CMTM3: variants seen among roughly 807,000 people sequenced by gnomAD.
CMTM3 encodes CKLF-like MARVEL transmembrane domain-containing protein 3.
CMTM3 carries 7 observed loss-of-function variants against 18.2 expected under a neutral mutation model. That is an observed-to-expected ratio of 0.38 (90% confidence interval 0.22 to 0.72). The LOEUF (loss-of-function observed/expected upper bound fraction) is 0.72, where lower values mean the gene tolerates loss of function less well. CMTM3 is among the 30% of genes least tolerant of loss of function. The pLI is 0.46. For synonymous variants in CMTM3, 109 were observed against 111.2 expected (o/e 0.98, Z 0.12); for missense variants, 227 against 249.2 (o/e 0.91, Z 0.60).
At position 66,605,839 on chromosome 16, in the gene CMTM3, C is replaced by G. The variant is rs1457612374; in HGVS notation, c.147+887C>G. ...GCTCCGGGACCTCTCCCTGGTCACT[C>G]AGGGCAGAGGGCAGAAGGTGGTCCT... On this transcript the variant is annotated intron_variant, in intron 1 of 4. Transcript: ENST00000567572. This position sits in a 1 kb window ranked among gnomAD's most constrained non-coding sequence, Gnocchi z 4.6. Among the ~76,000 whole-genome samples the G allele has an allele frequency of 1.3e-5, 2 of 152,160 alleles. No individual in the cohort carries two copies. Among genetic ancestry groups the G allele is most frequent in the Admixed American group, 1.3e-4 (2 of 15,278 alleles).
At chr16:66,611,990 C>A (rs111656261) in intron 4 of CMTM3, among the ~76,000 whole-genome samples, 50 of 152,268 alleles carry the variant, frequency 3.3e-4, no homozygotes, top group African/African-American at 1.1e-3. Context: ...AGAGGTACAG[C>A]CCTGACCCAC....
intron 1 of CMTM3, among the ~76,000 whole-genome samples, chr16:66,606,902 G>C (rs1197886850): frequency 6.6e-6 from 1 of 152,238 alleles, no homozygotes; most frequent in African/African-American, 2.4e-5. Context: ...GCTGAGGCAG[G>C]AGAATCACTT....
In CMTM3 at chr16:66,604,928, A is replaced by G; in HGVS notation, c.123A>G (p.Lys41=). The change falls in exon 1 of 5, where the codon AAA becomes AAG. Residue 41 remains lysine (K), a synonymous_variant. Transcript: ENST00000567572. ...CGCGGGCTTTCCTCTGCTCTCTCAA[A>G]GGCCGCCTCCTGCTGGCCGAGTCGG... ...LPARAFLCSL[K]GRLLLAESGL... is the part of the protein sequence containing the mutation. 2.7e-6 allele frequency: 4 copies of G among 1,498,222 alleles called. No individual in the cohort carries two copies. Among genetic ancestry groups the G allele is most frequent in the Non-Finnish European group, 3.5e-6 (4 of 1,133,886 alleles). 92.8% of individuals were successfully genotyped at this position (1,498,222 alleles called of 1,614,324 possible).
At position 66,612,654 on chromosome 16, in the gene CMTM3, T is replaced by C. The variant is rs1213226605; in HGVS notation, c.*17T>C. 1 of 1,613,534 alleles carries C rather than the reference T, an allele frequency of 6.2e-7. No individual in the cohort carries two copies. Among genetic ancestry groups the C allele is most frequent in the Non-Finnish European group, 8.5e-7 (1 of 1,179,672 alleles). ...TCTGACTGAAGGCCTGGCGGGTGCC[T>C]TGGCAACCTGAGCCACACAGGCCTC... is the stretch of plus-strand genomic sequence containing the variant. On this transcript the variant is annotated 3_prime_UTR_variant, in exon 5 of 5. Transcript: ENST00000567572. The surrounding 1 kb of genome is among the most constrained non-coding windows in gnomAD (Gnocchi z 6.0).
At chr16:66,604,445 A>G (rs1247854383), upstream of CMTM3, 2 of 181,430 alleles carry the variant, frequency 1.1e-5, no homozygotes, top group Non-Finnish European at 2.3e-5. Context: ...GACCGGAGAC[A>G]GCGAGTATAG....
At position 66,613,198 on chromosome 16, in the gene CMTM3, C is replaced by T; in HGVS notation, c.*561C>T. The T allele has an allele frequency of 1.4e-6, 1 of 695,474 alleles. No homozygotes were observed. Among genetic ancestry groups the T allele is most frequent in the Non-Finnish European group, 2.6e-6 (1 of 380,156 alleles). The allele number at this position is 695,474 out of a possible 1,614,324, so 43.1% of individuals were successfully genotyped here. On this transcript the variant is annotated 3_prime_UTR_variant, in exon 5 of 5. Coordinates refer to ENST00000567572, the MANE Select transcript of CMTM3 (RefSeq NM_181553.4). ...TGAAGCAGGGAGAAATTGACCTTTGCCTTGTCGCCCAGGAAGTGGGGCTCG... is the reference window on the plus strand; with the variant it reads ...TGAAGCAGGGAGAAATTGACCTTTGTCTTGTCGCCCAGGAAGTGGGGCTCG...
rs1391010021 is a variant in CMTM3 at position 66,610,087 on chromosome 16, G to A, written c.520+84G>A. ...GGATGCCAGCTAGTTTGAGGCTGGG[G>A]TGGGATCATTTCCTCTCTCCCCATG... is the stretch of plus-strand genomic sequence containing the variant. On this transcript the variant is annotated intron_variant, in intron 4 of 4. Coordinates refer to ENST00000567572, the MANE Select transcript of CMTM3 (RefSeq NM_181553.4). This position sits in a 1 kb window ranked among gnomAD's most constrained non-coding sequence, Gnocchi z 4.6. 1.3e-6 allele frequency: 2 copies of A among 1,550,908 alleles called. No homozygotes were observed. The highest frequency in any genetic ancestry group is 1.4e-5 in the African/African-American group (1 of 73,182).
chr16:66,609,778 G>C lies in CMTM3; in HGVS notation c.400-105G>C. 1.2e-6 allele frequency: 2 copies of C among 1,608,980 alleles called. No individual in the cohort carries two copies. Among genetic ancestry groups the C allele is most frequent in the Non-Finnish European group, 1.7e-6 (2 of 1,177,674 alleles). ...TCACAGGGGTCTGTGCCTGACACTC[G>C]GGCTGTTTGTCCAAGCAGATCTGAA... On this transcript the variant is annotated intron_variant, in intron 3 of 4. Coordinates refer to ENST00000567572, the MANE Select transcript of CMTM3 (RefSeq NM_181553.4). This position sits in a 1 kb window ranked among gnomAD's most constrained non-coding sequence, Gnocchi z 4.4.
chr16:66,612,702 C>G lies in CMTM3; in HGVS notation c.*65C>G. ...CTCCACCCCTGCGCCTCACAGGGGT[C>G]GCTGGCGTTGGAGCGGAGGCCTGGA... On this transcript the variant is annotated 3_prime_UTR_variant, in exon 5 of 5. Coordinates refer to ENST00000567572, the MANE Select transcript of CMTM3 (RefSeq NM_181553.4). This position sits in a 1 kb window ranked among gnomAD's most constrained non-coding sequence, Gnocchi z 6.0. The G allele has an allele frequency of 6.6e-7, 1 of 1,510,894 alleles. No homozygotes were observed. Among genetic ancestry groups the G allele is most frequent in the Non-Finnish European group, 9.2e-7 (1 of 1,089,608 alleles). 93.6% of individuals were successfully genotyped at this position (1,510,894 alleles called of 1,614,324 possible).
Position 66,610,770 on chromosome 16 carries a change from T to C in CMTM3, c.520+767T>C, listed in dbSNP as rs933182522. The C allele has an allele frequency of 5.0e-6, 2 of 398,622 alleles. No homozygotes were observed. Among genetic ancestry groups the C allele is most frequent in the African/African-American group, 4.1e-5 (2 of 48,736 alleles). 24.7% of individuals were successfully genotyped at this position (398,622 alleles called of 1,614,324 possible). A position where few individuals can be genotyped will look rare whatever the true frequency, so the allele number is the denominator to read the frequency against. Reference sequence around the variant, plus strand: ...AGACAAGGGCAGCTCTGGAAGGGCCTGCAGGCCCCACCCTGTGGTTGGGAT... The same window carrying C: ...AGACAAGGGCAGCTCTGGAAGGGCCCGCAGGCCCCACCCTGTGGTTGGGAT... On this transcript the variant is annotated intron_variant, in intron 4 of 4. Coordinates refer to ENST00000567572, the MANE Select transcript of CMTM3 (RefSeq NM_181553.4). This position sits in a 1 kb window ranked among gnomAD's most constrained non-coding sequence, Gnocchi z 4.6.
At position 66,604,917 on chromosome 16, in the gene CMTM3, T is replaced by A; in HGVS notation, c.112T>A (p.Cys38Ser). 6.7e-7 allele frequency: 1 copy of A among 1,491,394 alleles called. No homozygotes were observed. The highest frequency in any genetic ancestry group is 8.8e-7 in the Non-Finnish European group (1 of 1,130,376). 92.4% of individuals were successfully genotyped at this position (1,491,394 alleles called of 1,614,324 possible). ...CCTGCTGCCGGCGCGGGCTTTCCTC[T>A]GCTCTCTCAAAGGCCGCCTCCTGCT... The part of the protein sequence containing the change: ...RALLPARAFL[C>S]SLKGRLLLAE... The change falls in exon 1 of 5, where the codon TGC (cysteine) becomes AGC (serine). Residue 38 changes from cysteine (C) to serine (S), a missense_variant. Coordinates refer to ENST00000567572, the MANE Select transcript of CMTM3 (RefSeq NM_181553.4).
chr16:66,609,454 C>G lies in CMTM3; in HGVS notation c.323C>G (p.Thr108Ser). The G allele has an allele frequency of 6.2e-7, 1 of 1,613,020 alleles. No individual in the cohort carries two copies. The highest frequency in any genetic ancestry group is 8.5e-7 in the Non-Finnish European group (1 of 1,179,634). The change falls in exon 3 of 5, where the codon ACC becomes AGC. Residue 108 changes from threonine to serine, a missense_variant. Physicochemically the swap from Thr to Ser is moderately conservative, Grantham distance 58. Transcript: ENST00000567572. The surrounding 1 kb of genome is among the most constrained non-coding windows in gnomAD (Gnocchi z 4.4). ...WPMMDFLRCV[T>S]AALIYFAISI... ...CCCCAGGACTTCCTGCGCTGTGTCA[C>G]CGCGGCCCTCATCTACTTTGCTATC... is the stretch of plus-strand genomic sequence containing the variant.
Position 66,605,250 on chromosome 16 carries a change from G to C in CMTM3, c.147+298G>C, listed in dbSNP as rs113488037. ...ATGTGGGTCCTGCTGTGTGAGCCAG[G>C]CGCCCCCGCCCTCTCTGGGCCCCGG... On this transcript the variant is annotated intron_variant, in intron 1 of 4. Transcript: ENST00000567572. This position sits in a 1 kb window ranked among gnomAD's most constrained non-coding sequence, Gnocchi z 4.6. 0.029 allele frequency: 7,848 copies of C among 269,560 alleles called. 144 individuals carry two copies. The highest frequency in any genetic ancestry group is 0.037 in the Non-Finnish European group (5,319 of 143,278). The allele number at this position is 269,560 out of a possible 1,614,324, so 16.7% of individuals were successfully genotyped here. A position where few individuals can be genotyped will look rare whatever the true frequency, so the allele number is the denominator to read the frequency against.
intron 1 of CMTM3, among the ~76,000 whole-genome samples, chr16:66,607,226 C>T (rs2015191905): frequency 6.6e-6 from 1 of 152,224 alleles, no homozygotes; most frequent in Non-Finnish European, 1.5e-5. Context: ...ACCTGGGCTG[C>T]AGGACTGCCC....
chr16:66,612,737 T>G lies in CMTM3; in HGVS notation c.*100T>G. 8.3e-7 allele frequency: 1 copy of G among 1,205,582 alleles called. No homozygotes were observed. Among genetic ancestry groups the G allele is most frequent in the Non-Finnish European group, 1.2e-6 (1 of 829,854 alleles). The allele number at this position is 1,205,582 out of a possible 1,614,324, so 74.7% of individuals were successfully genotyped here. ...GGAGCGGAGGCCTGGACTTCTGAGTTGCAGAGGGGGCTGCGGACACAGCAG... is the reference window on the plus strand; with the variant it reads ...GGAGCGGAGGCCTGGACTTCTGAGTGGCAGAGGGGGCTGCGGACACAGCAG... On this transcript the variant is annotated 3_prime_UTR_variant, in exon 5 of 5. Coordinates refer to ENST00000567572, the MANE Select transcript of CMTM3 (RefSeq NM_181553.4). The surrounding 1 kb of genome is among the most constrained non-coding windows in gnomAD (Gnocchi z 6.0).
Position 66,613,222 on chromosome 16 carries a change from C to G in CMTM3, c.*585C>G. 1 of 685,088 alleles carries G rather than the reference C, an allele frequency of 1.5e-6. No homozygotes were observed. Among genetic ancestry groups the G allele is most frequent in the Admixed American group, 2.0e-5 (1 of 48,954 alleles). The allele number at this position is 685,088 out of a possible 1,614,324, so 42.4% of individuals were successfully genotyped here. On this transcript the variant is annotated 3_prime_UTR_variant, in exon 5 of 5. Transcript: ENST00000567572. ...GCCTTGTCGCCCAGGAAGTGGGGCT[C>G]GGCACCCATAACTAACACCTCCCAC...
Position 66,604,952 on chromosome 16 carries a change from G to A in CMTM3, c.147G>A (p.Ser49=). ...AAGGCCGCCTCCTGCTGGCCGAGTC[G>A]GTGAGTGCGGCGGGACCCTCGGCCG... The part of the protein sequence containing the change: ...SLKGRLLLAE[S]GLSFITFICY... The change falls in exon 1 of 5, where the codon TCG becomes TCA. Residue 49 remains serine (S), a splice_region_variant and synonymous_variant. Transcript: ENST00000567572. 1 of 1,504,176 alleles carries A rather than the reference G, an allele frequency of 6.6e-7. No individual in the cohort carries two copies. Among genetic ancestry groups the A allele is most frequent in the Non-Finnish European group, 8.8e-7 (1 of 1,137,208 alleles). The allele number at this position is 1,504,176 out of a possible 1,614,324, so 93.2% of individuals were successfully genotyped here. A position where few individuals can be genotyped will look rare whatever the true frequency, so the allele number is the denominator to read the frequency against.
chr16:66,606,986 T>C (rs1597205963), intron 1 of CMTM3, among the ~76,000 whole-genome samples: 1 of 152,126 alleles, frequency 6.6e-6, no homozygotes, highest in Non-Finnish European at 1.5e-5. Context: ...GGAGCAAGAC[T>C]CCATCTCTGG....
rs1427147374 is a variant in CMTM3, at chr16:66,606,456, G to A, written c.147+1504G>A. Among the ~76,000 whole-genome samples, 4 of 152,258 alleles carry A rather than the reference G, an allele frequency of 2.6e-5. No individual in the cohort carries two copies. The East Asian group carries it at 7.7e-4, about 29-fold the overall frequency. The stretch of plus-strand genomic sequence containing the variant: ...ATGCCTTAGTCTATCTTTCCAAAGG[G>A]GGCTCAGCTGCACCCAAGGCCATGT... On this transcript the variant is annotated intron_variant, in intron 1 of 4. Transcript: ENST00000567572.
Sources: gnomAD v4.1 joint callset for allele counts (sites outside exome capture counted in the v4.1 genomes callset) on GRCh38, gnomAD v4.1.1 for gene constraint, Gnocchi (gnomAD v3.1) non-coding constraint, MANE v1.5 for transcripts, NCBI Gene and HGNC (gene_info 2026-07-23, HGNC 2026-07-21) for gene names.